The following LIPC variants were observed in gnomAD, a reference collection of about 807,000 sequenced individuals.
LIPC encodes the protein hepatic triacylglycerol lipase.
LIPC carries 44 observed loss-of-function variants against 50.7 expected under a neutral mutation model. The observed-to-expected ratio is 0.87, with a 90% confidence interval of 0.68 to 1.11. The LOEUF (loss-of-function observed/expected upper bound fraction) is 1.11. Ranked by LOEUF, LIPC falls within the 50% of genes most tolerant of loss-of-function variation. LIPC has a pLI of 0.00. For synonymous variants in LIPC, 271 were observed against 256.4 expected (o/e 1.06, Z -0.54); for missense variants, 697 against 648.2 (o/e 1.08, Z -0.82).
intron 1 of LIPC, among the ~76,000 whole-genome samples, chr15:58,509,886 G>C (rs2899631): frequency 0.78 from 119,191 of 151,926 alleles, 47,038 homozygotes; most frequent in African/African-American, 0.88. Flanking sequence ...AATTTTAGTT[G>C]TTATAACTGG....
intron 1 of LIPC, among the ~76,000 whole-genome samples, chr15:58,495,452 T>C (rs1448698232): frequency 3.9e-5 from 6 of 152,158 alleles, no homozygotes; most frequent in African/African-American, 7.2e-5. Context: ...GCTCTAGGCA[T>C]TGGGTGTGAA....
chr15:58,456,737 A>G (rs1172456938), intron 1 of LIPC, among the ~76,000 whole-genome samples: 1 of 152,224 alleles, frequency 6.6e-6, no homozygotes. Context: ...CCCGCAACCC[A>G]TCACATTCAT....
chr15:58,470,908 G>A lies in LIPC; in HGVS notation c.88+38788G>A, dbSNP rs529454903. 2.0e-4 allele frequency among the ~76,000 whole-genome samples: 31 copies of A among 152,180 alleles called. No individual in the cohort carries two copies. The South Asian group carries it at 5.0e-3, about 24-fold the overall frequency. ...AGTATGAGTAGATAGAGGAAGACTC[G>A]TCCTTTTGTCTGCCTCCTTTTCATC... On this transcript the variant is annotated intron_variant, in intron 1 of 8. Coordinates refer to ENST00000299022, the MANE Select transcript of LIPC (RefSeq NM_000236.3).
intron 1 of LIPC, among the ~76,000 whole-genome samples, chr15:58,453,381 G>A (rs1037962199): frequency 7.2e-5 from 11 of 151,984 alleles, no homozygotes; most frequent in East Asian, 1.9e-4. Flanking sequence ...CCCTCATTCC[G>A]CATTCTCGGT....
intron 1 of LIPC, among the ~76,000 whole-genome samples, chr15:58,481,593 A>T (rs1261740227): frequency 2.0e-5 from 3 of 152,242 alleles, no homozygotes; most frequent in Non-Finnish European, 4.4e-5. Context: ...ACCTGAGGTC[A>T]GGAGTTCAAG....
At position 58,462,851 on chromosome 15, in the gene LIPC, A is replaced by G. The variant is rs1293014941; in HGVS notation, c.88+30731A>G. Among the ~76,000 whole-genome samples the G allele has an allele frequency of 2.6e-5, 4 of 152,166 alleles. No individual in the cohort carries two copies. The East Asian group carries it at 7.7e-4, about 29-fold the overall frequency. ...GCAGGCCTGAAGAACCCTTTCCAAG[A>G]CCAGCTGAGCTCTGCTGGTCCGCTG... On this transcript the variant is annotated intron_variant, in intron 1 of 8. Transcript: ENST00000299022.
intron 1 of LIPC, among the ~76,000 whole-genome samples, chr15:58,440,740 A>G (rs1433210383): frequency 1.3e-5 from 2 of 152,226 alleles, no homozygotes; most frequent in Admixed American, 1.3e-4. Context: ...TTAGCTGAGA[A>G]GCCTTTACAG....
chr15:58,498,265 G>T (rs2140829820), intron 1 of LIPC, among the ~76,000 whole-genome samples: 1 of 152,218 alleles, frequency 6.6e-6, no homozygotes, highest in East Asian at 1.9e-4. Context: ...CAGCCAGCTG[G>T]ACCCCACCTC....
chr15:58,480,675 A>G (rs551463935), intron 1 of LIPC, among the ~76,000 whole-genome samples: 5 of 152,332 alleles, frequency 3.3e-5, no homozygotes, highest in African/African-American at 1.2e-4. Context: ...ATGCAGCCCA[A>G]CACAAATTCA....
chr15:58,517,326 G>C (rs1263532573), intron 1 of LIPC, among the ~76,000 whole-genome samples: 1 of 152,206 alleles, frequency 6.6e-6, no homozygotes, highest in African/African-American at 2.4e-5. Context: ...CCACTATGTG[G>C]CACAGCACAT....
intron 1 of LIPC, among the ~76,000 whole-genome samples, chr15:58,486,093 G>A (rs1455656141): frequency 6.6e-6 from 1 of 152,202 alleles, no homozygotes; most frequent in Non-Finnish European, 1.5e-5. Context: ...CTACCATGCT[G>A]GTGAATCCAT....
chr15:58,478,151 G>T (rs1325659389), intron 1 of LIPC, among the ~76,000 whole-genome samples: 2 of 152,140 alleles, frequency 1.3e-5, no homozygotes, highest in African/African-American at 4.8e-5. Context: ...TGGAAGTGAT[G>T]AGTGAACTCT....
chr15:58,543,875 C>T (rs1317652224), intron 4 of LIPC, among the ~76,000 whole-genome samples: 1 of 152,136 alleles, frequency 6.6e-6, no homozygotes, highest in African/African-American at 2.4e-5. Flanking sequence ...ACCATCTCGG[C>T]CTCCCAAAGT....
intron 1 of LIPC, among the ~76,000 whole-genome samples, chr15:58,535,007 T>G (rs745428132): frequency 1.3e-5 from 2 of 152,172 alleles, no homozygotes; most frequent in Non-Finnish European, 2.9e-5. Flanking sequence ...CCTTCAACTC[T>G]CATGTCATCC....
rs148623338 is a variant in LIPC at position 58,479,377 on chromosome 15, G to T, written c.88+47257G>T. 1.3e-4 allele frequency among the ~76,000 whole-genome samples: 20 copies of T among 152,296 alleles called. No individual in the cohort carries two copies. The East Asian group carries it at 3.9e-3, about 29-fold the overall frequency. On this transcript the variant is annotated intron_variant, in intron 1 of 8. Coordinates refer to ENST00000299022, the MANE Select transcript of LIPC (RefSeq NM_000236.3). ...GATAAAGATCATTGAAATGTGAAGC[G>T]CATTTGTCCAAACAGAATTTCTAAT...
chr15:58,454,985 A>G (rs184330574), intron 1 of LIPC: 4 of 152,316 alleles, frequency 2.6e-5, no homozygotes. Flanking sequence ...TCATTTTACT[A>G]TTGTCTCTGT....
At chr15:58,474,731 T>C (rs1890933131) in intron 1 of LIPC, among the ~76,000 whole-genome samples, 1 of 152,116 alleles carries the variant, frequency 6.6e-6, no homozygotes, top group South Asian at 2.1e-4. Context: ...TTCCCTGGCC[T>C]CTCTGCCCAG....
chr15:58,552,437 G>A (rs1328849086), intron 6 of LIPC, among the ~76,000 whole-genome samples: 1 of 152,174 alleles, frequency 6.6e-6, no homozygotes, highest in African/African-American at 2.4e-5. Context: ...CGGCATTCCA[G>A]CTGCATGTCC....
At chr15:58,527,773 T>C (rs1008948306) in intron 1 of LIPC, among the ~76,000 whole-genome samples, 3 of 151,998 alleles carry the variant, frequency 2.0e-5, no homozygotes, top group African/African-American at 7.3e-5. Context: ...AAATGTGTGG[T>C]TGAATGAATA....
Sources: allele counts gnomAD v4.1 joint callset (sites outside exome capture counted in the v4.1 genomes callset), GRCh38; gene constraint gnomAD v4.1.1; transcripts MANE v1.5; gene names NCBI Gene and HGNC (gene_info 2026-07-23, HGNC 2026-07-21).